DPYD: variants seen among roughly 807,000 people sequenced by gnomAD.
DPYD encodes the protein dihydropyrimidine dehydrogenase.
Under a neutral mutation model 116.2 loss-of-function variants are expected in DPYD, and 109 were observed. The ratio of observed to expected loss-of-function variants is 0.94; its 90% confidence interval spans 0.80 to 1.10. The LOEUF (loss-of-function observed/expected upper bound fraction) is 1.10. Among genes scored for constraint, DPYD ranks in the 50% least tolerant of loss-of-function variants. DPYD has a pLI of 0.00. For missense variants in DPYD, 1,302 were observed against 1,254.5 expected (o/e 1.04, Z -0.57); for synonymous variants, 440 against 432.0 (o/e 1.02, Z -0.23).
At chr1:97,629,225 ACT>A (rs1321726338) in intron 8 of DPYD, among the ~76,000 whole-genome samples, 1 of 151,838 alleles carries the variant, frequency 6.6e-6, no homozygotes, top group African/African-American at 2.4e-5. Flanking sequence ...CATTGTTACC[ACT>A]CTCTTAGCTT....
intron 3 of DPYD, among the ~76,000 whole-genome samples, chr1:97,827,337 T>C (rs1669291873): frequency 6.6e-6 from 1 of 152,092 alleles, no homozygotes; most frequent in Admixed American, 6.6e-5. Flanking sequence ...TACAAAGATA[T>C]TGGAAATTAT....
chr1:97,881,955 C>T (rs960852102), intron 2 of DPYD, among the ~76,000 whole-genome samples: 7 of 151,522 alleles, frequency 4.6e-5, no homozygotes, highest in Non-Finnish European at 8.8e-5. Flanking sequence ...CACATGTATA[C>T]ATATGTAACT....
intron 13 of DPYD, among the ~76,000 whole-genome samples, chr1:97,483,727 A>G (rs1362288031): frequency 3.9e-5 from 6 of 152,138 alleles, no homozygotes; most frequent in Non-Finnish European, 2.9e-5. Context: ...AATGGGATTA[A>G]GGCTCTTATA....
At chr1:97,290,863 G>A (rs2100982858) in intron 18 of DPYD, among the ~76,000 whole-genome samples, 1 of 152,208 alleles carries the variant, frequency 6.6e-6, no homozygotes, top group South Asian at 2.1e-4. Context: ...AAGAGCTTCT[G>A]CACAGCAAAA....
At chr1:97,188,461 G>A (rs1188904719) in intron 20 of DPYD, among the ~76,000 whole-genome samples, 1 of 152,130 alleles carries the variant, frequency 6.6e-6, no homozygotes, top group Admixed American at 6.6e-5. Flanking sequence ...ATGTAGCATT[G>A]TGCTAGGTGC....
In DPYD at chr1:97,769,985, C is replaced by T. The variant is rs920486631; in HGVS notation, c.234-29506G>A. Among the ~76,000 whole-genome samples, 5 of 152,102 alleles carry T rather than the reference C, an allele frequency of 3.3e-5. No individual in the cohort carries two copies. In the East Asian group the frequency reaches 5.8e-4, roughly 18 times the overall value. On this transcript the variant is annotated intron_variant, in intron 3 of 22. Coordinates refer to ENST00000370192, the MANE Select transcript of DPYD (RefSeq NM_000110.4). ...AGATCCTTTAGATTAGGTAGTGAGG[C>T]TTTTGCATAGGAAGCCAGTATTTAC...
chr1:97,809,046 C>T (rs191588789), intron 3 of DPYD, among the ~76,000 whole-genome samples: 1 of 152,038 alleles, frequency 6.6e-6, no homozygotes, highest in African/African-American at 2.4e-5. Context: ...GTCATGGAGG[C>T]AGTAGAGGGG....
At chr1:97,109,588 G>A (rs986783283) in intron 20 of DPYD, among the ~76,000 whole-genome samples, 3 of 152,044 alleles carry the variant, frequency 2.0e-5, no homozygotes, top group South Asian at 2.1e-4. Flanking sequence ...GCTATATTTG[G>A]AGCAAGACTA....
chr1:97,861,322 C>T (rs925806487), intron 2 of DPYD, among the ~76,000 whole-genome samples: 2 of 151,646 alleles, frequency 1.3e-5, no homozygotes, highest in Non-Finnish European at 2.9e-5. Flanking sequence ...ATTGTAAAGA[C>T]TTACCAAGTT....
intron 2 of DPYD, among the ~76,000 whole-genome samples, chr1:97,880,597 T>C (rs759663318): frequency 4.6e-5 from 7 of 151,918 alleles, no homozygotes; most frequent in Non-Finnish European, 8.8e-5. Flanking sequence ...GCAATAAATC[T>C]GATCTTATAA....
At chr1:97,094,547 T>G (rs188208054) in intron 21 of DPYD, among the ~76,000 whole-genome samples, 2 of 152,164 alleles carry the variant, frequency 1.3e-5, no homozygotes, top group African/African-American at 4.8e-5. Context: ...TGCAGCTTTT[T>G]GAGTTAGGTA....
chr1:97,514,514 A>C (rs1648055864), intron 13 of DPYD, among the ~76,000 whole-genome samples: 1 of 151,872 alleles, frequency 6.6e-6, no homozygotes, highest in Admixed American at 6.6e-5. Flanking sequence ...ATTCTTAACG[A>C]ATCAATTGAA....
chr1:97,571,730 T>A (rs2786544), intron 11 of DPYD, among the ~76,000 whole-genome samples: 20,377 of 151,868 alleles, frequency 0.13, 1,494 homozygotes, highest in Middle Eastern at 0.18. Flanking sequence ...CAAATGGACA[T>A]CTTGCTTCCA....
At chr1:97,469,766 T>C (rs983498391) in intron 13 of DPYD, among the ~76,000 whole-genome samples, 1 of 152,216 alleles carries the variant, frequency 6.6e-6, no homozygotes, top group Non-Finnish European at 1.5e-5. Context: ...ATCTTATTTT[T>C]TTAAATTGCT....
intron 10 of DPYD, among the ~76,000 whole-genome samples, chr1:97,587,376 C>T (rs751408665): frequency 6.6e-6 from 1 of 152,186 alleles, no homozygotes; most frequent in African/African-American, 2.4e-5. Context: ...ACTCAAATGA[C>T]GTGCAGGTGC....
chr1:97,305,255 C>T lies in DPYD; in HGVS notation c.2299+4G>A, dbSNP rs2101035454. ...GCACAATGCAAGAAGTGGGCAACAC[C>T]TACCAGACACTCCTCCATATGTAGT... On this transcript the variant is annotated splice_donor_region_variant and intron_variant, in intron 18 of 22. Transcript: ENST00000370192. 2 of 1,612,174 alleles carry T rather than the reference C, an allele frequency of 1.2e-6. No individual in the cohort carries two copies. The highest frequency in any genetic ancestry group is 2.2e-5 in the East Asian group (1 of 44,780).
At chr1:97,689,778 G>A (rs1045131315) in intron 7 of DPYD, among the ~76,000 whole-genome samples, 27 of 151,974 alleles carry the variant, frequency 1.8e-4, no homozygotes, top group African/African-American at 5.1e-4. Context: ...GCTAAAGTTC[G>A]TAAATCATAA....
rs374743993 is a variant in DPYD, at chr1:97,545,299, A to C, written c.1524+4261T>G. On this transcript the variant is annotated intron_variant, in intron 12 of 22. Coordinates refer to ENST00000370192, the MANE Select transcript of DPYD (RefSeq NM_000110.4). Reference sequence around the variant, plus strand: ...TAACTTTTTCATAAAGTGTCCTATTAATTTATATAAATAAATGTCAGTTTC... The same window carrying C: ...TAACTTTTTCATAAAGTGTCCTATTCATTTATATAAATAAATGTCAGTTTC... 4.7e-4 allele frequency among the ~76,000 whole-genome samples: 71 copies of C among 152,256 alleles called. 2 individuals are homozygous for C. In the South Asian group the frequency reaches 0.015, roughly 32 times the overall value.
intron 10 of DPYD, among the ~76,000 whole-genome samples, chr1:97,579,887 T>C (rs1011049606): frequency 3.3e-5 from 5 of 152,206 alleles, no homozygotes; most frequent in African/African-American, 1.2e-4. Context: ...TTAAAAAAAA[T>C]TCTCAGCTTT....
Sources: gnomAD v4.1 joint callset for allele counts (sites outside exome capture counted in the v4.1 genomes callset) on GRCh38, gnomAD v4.1.1 for gene constraint, MANE v1.5 for transcripts, NCBI Gene and HGNC (gene_info 2026-07-23, HGNC 2026-07-21) for gene names.